The following CTNNA3 variants were observed in gnomAD, a reference collection of about 807,000 sequenced individuals.
The protein encoded by CTNNA3 is catenin alpha 3.
Under a neutral mutation model 95.7 loss-of-function variants are expected in CTNNA3, and 76 were observed. The ratio of observed to expected loss-of-function variants is 0.79; its 90% confidence interval spans 0.66 to 0.96. The LOEUF (loss-of-function observed/expected upper bound fraction) is 0.96. CTNNA3 is among the 40% of genes least tolerant of loss of function. The pLI is 0.00. For missense variants in CTNNA3, 1,191 were observed against 1,089.8 expected (o/e 1.09, Z -1.31); for synonymous variants, 431 against 374.4 (o/e 1.15, Z -1.74).
Position 66,460,219 on chromosome 10 carries a change from A to T in CTNNA3, c.1531+60398T>A, listed in dbSNP as rs192302380. ...TAGCTGGTACAGCAAGCCTTCACTCACACTCTTCTGTCCAATTGTTTTAAA... is the reference window on the plus strand; with the variant it reads ...TAGCTGGTACAGCAAGCCTTCACTCTCACTCTTCTGTCCAATTGTTTTAAA... On this transcript the variant is annotated intron_variant, in intron 11 of 17. Transcript: ENST00000433211. Among the ~76,000 whole-genome samples the T allele has an allele frequency of 2.4e-3, 368 of 152,226 alleles. 1 individual carries two copies. Among genetic ancestry groups the T allele is most frequent in the African/African-American group, 8.1e-3 (338 of 41,556 alleles).
intron 13 of CTNNA3, among the ~76,000 whole-genome samples, chr10:66,158,718 A>G (rs917864150): frequency 2.6e-5 from 4 of 151,884 alleles, no homozygotes; most frequent in Non-Finnish European, 5.9e-5. Context: ...AATTGCATTG[A>G]ATTTGTAGAT....
At chr10:66,157,498 G>T (rs751524691) in intron 13 of CTNNA3, among the ~76,000 whole-genome samples, 294 of 22,636 alleles carry the variant, frequency 0.013, no homozygotes, top group African/African-American at 0.034. Context: ...TATGTAGATA[G>T]ATAGATAGAT....
chr10:66,260,078 G>C (rs1235753477), intron 13 of CTNNA3, among the ~76,000 whole-genome samples: 1 of 152,074 alleles, frequency 6.6e-6, no homozygotes, highest in East Asian at 1.9e-4. Flanking sequence ...CTCTCCCAAA[G>C]CACAGGATGA....
chr10:66,998,757 TG>T (rs1777792704), intron 7 of CTNNA3, among the ~76,000 whole-genome samples: 2 of 152,210 alleles, frequency 1.3e-5, no homozygotes, highest in African/African-American at 4.8e-5. Flanking sequence ...TCAACAATAA[TG>T]GGAGATTTCA....
intron 7 of CTNNA3, among the ~76,000 whole-genome samples, chr10:66,968,972 A>G (rs1849579731): frequency 6.6e-6 from 1 of 152,026 alleles, no homozygotes; most frequent in Non-Finnish European, 1.5e-5. Flanking sequence ...AGCTGAGAAC[A>G]CACCACTGCA....
upstream of CTNNA3, among the ~76,000 whole-genome samples, chr10:67,699,429 G>C (rs1373661873): frequency 1.3e-5 from 2 of 152,102 alleles, no homozygotes; most frequent in East Asian, 3.8e-4. Context: ...GTCACCTGAG[G>C]GGATAACACA....
intron 7 of CTNNA3, among the ~76,000 whole-genome samples, chr10:66,799,866 G>C (rs1841361977): frequency 1.3e-5 from 2 of 150,884 alleles, no homozygotes; most frequent in East Asian, 1.9e-4. Context: ...AAAGCAGCCA[G>C]AGAAAAAGAC....
At chr10:67,358,033 GAA>G (rs891340584) in intron 5 of CTNNA3, among the ~76,000 whole-genome samples, 1 of 152,008 alleles carries the variant, frequency 6.6e-6, no homozygotes, top group Non-Finnish European at 1.5e-5. Context: ...AATTTGATGA[GAA>G]AAGGATAATA....
chr10:67,726,350 ATATATATGATATAATATATGATAT>A, intron 1 of CTNNA3, among the ~76,000 whole-genome samples: 1 of 85,470 alleles, frequency 1.2e-5, no homozygotes, highest in African/African-American at 5.4e-5. Context: ...ATAATATATG[ATATATATGATATAATATATGATAT>A]TATATATGAA....
At chr10:66,565,506 G>T (rs1842677819) in intron 10 of CTNNA3, among the ~76,000 whole-genome samples, 1 of 152,164 alleles carries the variant, frequency 6.6e-6, no homozygotes, top group Non-Finnish European at 1.5e-5. Flanking sequence ...TCCATAAAGG[G>T]AAGGATAGGG....
intron 16 of CTNNA3, among the ~76,000 whole-genome samples, chr10:65,972,635 C>T (rs985413752): frequency 6.6e-6 from 1 of 151,872 alleles, no homozygotes; most frequent in Non-Finnish European, 1.5e-5. Context: ...TGCATCTAAC[C>T]AAGGAAGTGA....
At chr10:66,295,757 A>G (rs564797840) in intron 12 of CTNNA3, among the ~76,000 whole-genome samples, 46 of 152,274 alleles carry the variant, frequency 3.0e-4, no homozygotes, top group African/African-American at 9.6e-4. Flanking sequence ...TATCTTAGTT[A>G]CCGCTCAGGA....
At chr10:67,268,699 C>T (rs762326129) in intron 5 of CTNNA3, among the ~76,000 whole-genome samples, 27 of 152,178 alleles carry the variant, frequency 1.8e-4, no homozygotes, top group African/African-American at 6.3e-4. Context: ...TCTCAACAAC[C>T]ATTAAACATT....
chr10:67,090,604 C>T (rs1213781138), intron 7 of CTNNA3, among the ~76,000 whole-genome samples: 4 of 152,068 alleles, frequency 2.6e-5, no homozygotes, highest in Admixed American at 6.6e-5. Context: ...CTAAGTCTTC[C>T]TTTTCTCAAC....
chr10:66,403,467 G>A (rs1195811189), intron 11 of CTNNA3, among the ~76,000 whole-genome samples: 1 of 152,142 alleles, frequency 6.6e-6, no homozygotes, highest in African/African-American at 2.4e-5. Flanking sequence ...ATGGAGGCAG[G>A]AGCAGGGGCA....
intron 9 of CTNNA3, among the ~76,000 whole-genome samples, chr10:66,670,914 G>T (rs7923279): frequency 0.19 from 28,509 of 152,070 alleles, 3,513 homozygotes; most frequent in East Asian, 0.33. Flanking sequence ...TTCTTAAATA[G>T]TATTTGATTA....
At chr10:67,314,835 T>A (rs1235886105) in intron 5 of CTNNA3, among the ~76,000 whole-genome samples, 1 of 152,222 alleles carries the variant, frequency 6.6e-6, no homozygotes, top group Non-Finnish European at 1.5e-5. Context: ...TAAGATTATA[T>A]TTTTCTTCTC....
chr10:66,766,395 G>A lies in CTNNA3; in HGVS notation c.1150C>T (p.His384Tyr), dbSNP rs1265408897. Residue 384 changes from histidine (H) to tyrosine (Y), a missense_variant, in exon 9 of 18, where the codon CAT becomes TAT. By Grantham distance (83) the His-to-Tyr change is moderately conservative (BLOSUM62 2). Transcript: ENST00000433211. ...RRQLRKAIIDHVSDSFLDTTV... is the reference protein window; with the variant it reads ...RRQLRKAIIDYVSDSFLDTTV... ...GTATCCAGGAAAGAGTCTGACACAT[G>A]ATCTATAATAGCCTTGCGGAGCTGA... The A allele has an allele frequency of 3.1e-6, 5 of 1,613,522 alleles. No individual in the cohort carries two copies. The highest frequency in any genetic ancestry group is 4.2e-6 in the Non-Finnish European group (5 of 1,179,734).
intron 7 of CTNNA3, chr10:67,098,020 A>G (rs1023182449): frequency 1.1e-5 from 6 of 550,800 alleles, no homozygotes; most frequent in Non-Finnish European, 3.2e-6. Flanking sequence ...TGACTTAAAC[A>G]GAGTATGACC....
Sources: gnomAD v4.1 joint callset for allele counts (sites outside exome capture counted in the v4.1 genomes callset) on GRCh38, gnomAD v4.1.1 for gene constraint, MANE v1.5 for transcripts, NCBI Gene and HGNC (gene_info 2026-07-23, HGNC 2026-07-21) for gene names.